Variants in DLGAP1 observed in about 807,000 individuals in gnomAD.
DLGAP1 encodes DLG associated protein 1.
DLGAP1 carries 11 observed loss-of-function variants against 90.8 expected under a neutral mutation model. The observed-to-expected ratio is 0.12, with a 90% confidence interval of 0.08 to 0.20. The LOEUF (loss-of-function observed/expected upper bound fraction) is 0.20, where lower values mean the gene tolerates loss of function less well. Among genes scored for constraint, DLGAP1 ranks in the 10% least tolerant of loss-of-function variants. The pLI, the probability that DLGAP1 is intolerant of heterozygous loss-of-function variation, is 1.00. For missense variants in DLGAP1, 1,050 were observed against 1,333.8 expected, an observed-to-expected ratio of 0.79 and a Z score of 3.31; for synonymous variants, 558 against 540.7, an observed-to-expected ratio of 1.03 and a Z score of -0.44.
intron 1 of DLGAP1, among the ~76,000 whole-genome samples, chr18:4,166,490 C>T (rs550865752): frequency 6.6e-6 from 1 of 152,222 alleles, no homozygotes; most frequent in South Asian, 2.1e-4. Flanking sequence ...ACATGGGAGA[C>T]GAAGGTCGTT....
chr18:3,998,194 A>G (rs1207820783), intron 3 of DLGAP1, among the ~76,000 whole-genome samples: 2 of 152,230 alleles, frequency 1.3e-5, no homozygotes, highest in Non-Finnish European at 2.9e-5. Flanking sequence ...TTATCAAGAG[A>G]AACATCTCAT....
chr18:3,742,671 G>A (rs2063106422), intron 5 of DLGAP1, among the ~76,000 whole-genome samples, 159 bp from the exon 6 acceptor site: 1 of 152,184 alleles, frequency 6.6e-6, no homozygotes, highest in African/African-American at 2.4e-5. Context: ...TGTCTCAGAA[G>A]GAAGAGCTTT....
chr18:3,832,083 C>G (rs1018188872), intron 4 of DLGAP1, among the ~76,000 whole-genome samples: 9 of 152,152 alleles, frequency 5.9e-5, no homozygotes, highest in African/African-American at 2.2e-4. Context: ...GAGAAGAATG[C>G]TTCGTCAAGA....
At chr18:3,572,204 G>T (rs1406622981) in intron 8 of DLGAP1, among the ~76,000 whole-genome samples, 2 of 150,374 alleles carry the variant, frequency 1.3e-5, no homozygotes, top group Non-Finnish European at 3.0e-5. Flanking sequence ...TCAGCCTCCC[G>T]GTTTCCGCTA....
chr18:3,607,289 C>G (rs1255302169), intron 7 of DLGAP1: 2 of 152,172 alleles, frequency 1.3e-5, no homozygotes, highest in African/African-American at 4.8e-5. Context: ...TCCAGAGTAG[C>G]TGGACTACAG....
intron 1 of DLGAP1, among the ~76,000 whole-genome samples, chr18:4,328,130 T>C (rs912733287): frequency 4.0e-5 from 6 of 151,882 alleles, no homozygotes; most frequent in Admixed American, 3.9e-4. Context: ...AAGTTAGACA[T>C]TTAGACCCCA....
chr18:3,592,858 A>G (rs1310455492), intron 7 of DLGAP1, among the ~76,000 whole-genome samples: 5 of 133,630 alleles, frequency 3.7e-5, no homozygotes, highest in African/African-American at 1.5e-4. Flanking sequence ...AAAAAAAAAA[A>G]AAAAAAAAAG....
chr18:3,994,174 G>A (rs984113260), intron 3 of DLGAP1, among the ~76,000 whole-genome samples: 6 of 152,176 alleles, frequency 3.9e-5, no homozygotes, highest in Non-Finnish European at 8.8e-5. Flanking sequence ...GCAAGGCCCT[G>A]GCTGGGGTGC....
At chr18:3,898,043 CT>C (rs1237993321) in intron 3 of DLGAP1, among the ~76,000 whole-genome samples, 2 of 152,136 alleles carry the variant, frequency 1.3e-5, no homozygotes. Flanking sequence ...ATCCGCCCGC[CT>C]TGGCCTCCCA....
intron 4 of DLGAP1, among the ~76,000 whole-genome samples, chr18:3,848,313 G>C (rs1470659404): frequency 1.3e-5 from 2 of 151,876 alleles, no homozygotes; most frequent in African/African-American, 4.8e-5. Flanking sequence ...GAGGAGGGAG[G>C]AGAAGGACAA....
Position 3,497,938 on chromosome 18 carries a change from G to C in DLGAP1, c.*1247C>G, listed in dbSNP as rs2049748873. On this transcript the variant is annotated 3_prime_UTR_variant, in exon 13 of 13. Transcript: ENST00000315677. The stretch of plus-strand genomic sequence containing the variant: ...TCAAGATGACAGCGGCAGCTCTTTT[G>C]AATGAGGCAGCATGTCTATTGGGGC... 6.6e-6 allele frequency: 1 copy of C among 152,194 alleles called. No homozygotes were observed. The highest frequency in any genetic ancestry group is 2.1e-4 in the South Asian group (1 of 4,832). 9.4% of individuals were successfully genotyped at this position (152,194 alleles called of 1,614,324 possible).
intron 8 of DLGAP1, among the ~76,000 whole-genome samples, chr18:3,574,310 A>G (rs1287666038): frequency 6.6e-6 from 1 of 151,964 alleles, no homozygotes; most frequent in African/African-American, 2.4e-5. Context: ...TGTTTACTTT[A>G]TATTGTAATA....
chr18:3,757,037 C>T (rs765992385), intron 5 of DLGAP1, among the ~76,000 whole-genome samples: 1 of 152,156 alleles, frequency 6.6e-6, no homozygotes, highest in Non-Finnish European at 1.5e-5. Flanking sequence ...TCTATCAACC[C>T]TTCCAGAAAA....
chr18:4,348,882 A>G (rs993959018), intron 1 of DLGAP1, among the ~76,000 whole-genome samples: 1 of 152,186 alleles, frequency 6.6e-6, no homozygotes, highest in African/African-American at 2.4e-5. Context: ...GTAAGGACAA[A>G]ATCCTTAGAA....
intron 2 of DLGAP1, among the ~76,000 whole-genome samples, chr18:4,106,075 A>T (rs982516475): frequency 5.3e-5 from 8 of 151,704 alleles, no homozygotes; most frequent in African/African-American, 1.9e-4. Context: ...AATTAAACTA[A>T]AAACTGCTTA....
chr18:3,845,661 G>C lies in DLGAP1; in HGVS notation c.958-31388C>G, dbSNP rs1044044634. The stretch of plus-strand genomic sequence containing the variant: ...TTGATCACTTTGCAGCCCATATAGG[G>C]GGTAACGTATATTCTGTCAAATGGA... On this transcript the variant is annotated intron_variant, in intron 4 of 12. Transcript: ENST00000315677. 1.6e-5 allele frequency: 15 copies of C among 942,760 alleles called. 1 individual carries two copies. In the Middle Eastern group the frequency reaches 1.6e-3, roughly 103 times the overall value. 58.4% of individuals were successfully genotyped at this position (942,760 alleles called of 1,614,324 possible).
rs939750202 is a variant in DLGAP1, at chr18:4,409,620, G to A, written c.-267+45386C>T. Among the ~76,000 whole-genome samples the A allele has an allele frequency of 3.3e-5, 5 of 152,262 alleles. No individual in the cohort carries two copies. In the South Asian group the frequency reaches 1.0e-3, roughly 32 times the overall value. ...TTTGATTATCGCCATTCTTACAGGA[G>A]TAAGATGGTATCGCATTGTGGTTTT... On this transcript the variant is annotated intron_variant, in intron 1 of 12. Coordinates refer to ENST00000315677, the MANE Select transcript of DLGAP1 (RefSeq NM_004746.4).
At chr18:3,584,331 G>A (rs1369657970) in intron 7 of DLGAP1, among the ~76,000 whole-genome samples, 1 of 143,502 alleles carries the variant, frequency 7.0e-6, no homozygotes, top group African/African-American at 2.6e-5. Flanking sequence ...ACCTGGCCAT[G>A]CAGTCCCAAC....
At chr18:4,129,613 T>C (rs1375681862) in intron 2 of DLGAP1, among the ~76,000 whole-genome samples, 1 of 152,132 alleles carries the variant, frequency 6.6e-6, no homozygotes, top group African/African-American at 2.4e-5. Context: ...TTTGGGTTAC[T>C]GGAAGATGAG....
Sources: allele counts gnomAD v4.1 joint callset (sites outside exome capture counted in the v4.1 genomes callset), GRCh38; gene constraint gnomAD v4.1.1; transcripts MANE v1.5; gene names NCBI Gene and HGNC (gene_info 2026-07-23, HGNC 2026-07-21).